SGPP2: variants seen among roughly 807,000 people sequenced by gnomAD.
SGPP2 encodes the protein sphingosine 1-phosphate phosphohydrolase 2.
A neutral mutation model predicts 33.9 loss-of-function variants in SGPP2; 30 were observed. The ratio of observed to expected loss-of-function variants is 0.89; its 90% CI spans 0.66 to 1.20. The LOEUF (loss-of-function observed/expected upper bound fraction) is 1.20, where lower values mean the gene tolerates loss of function less well. Ranked by LOEUF, SGPP2 falls within the 50% of genes most tolerant of loss-of-function variation. SGPP2 has a pLI of 0.00. For synonymous variants in SGPP2, 233 were observed against 225.0 expected (o/e 1.04, Z -0.32); for missense variants, 458 against 532.1 (o/e 0.86, Z 1.37).
Position 222,476,262 on chromosome 2 carries a change from T to G in SGPP2, c.378+1536T>G, listed in dbSNP as rs551336561. Reference sequence around the variant, plus strand: ...TCAGGGGTCATAAATTCGAATGTTCTCAGGGGCAGGGGACAGAAATAAAGC... The same window carrying G: ...TCAGGGGTCATAAATTCGAATGTTCGCAGGGGCAGGGGACAGAAATAAAGC... On this transcript the variant is annotated intron_variant, in intron 2 of 4. Coordinates refer to ENST00000321276, the MANE Select transcript of SGPP2 (RefSeq NM_152386.4). The surrounding 1 kb of genome is among the most constrained non-coding windows in gnomAD (Gnocchi z 4.3). Among the ~76,000 whole-genome samples the G allele has an allele frequency of 4.1e-4, 63 of 152,226 alleles. No individual in the cohort carries two copies. The highest frequency in any genetic ancestry group is 3.4e-3 in the Middle Eastern group (1 of 294).
rs946813617 is a variant in SGPP2 at position 222,560,796 on chromosome 2, C to T, written c.*1898C>T. 1 of 152,128 alleles carries T rather than the reference C, an allele frequency of 6.6e-6. No individual in the cohort carries two copies. Among genetic ancestry groups the T allele is most frequent in the African/African-American group, 2.4e-5 (1 of 41,420 alleles). The allele number at this position is 152,128 out of a possible 1,614,324, so 9.4% of individuals were successfully genotyped here. On this transcript the variant is annotated 3_prime_UTR_variant, in exon 5 of 5. Coordinates refer to ENST00000321276, the MANE Select transcript of SGPP2 (RefSeq NM_152386.4). ...TGTTGGGATGATATTTAGTATGTAA[C>T]TTAGCATTCCAATTTCTCAAGAATT...
intron 4 of SGPP2, among the ~76,000 whole-genome samples, chr2:222,540,130 T>C (rs1375052100): frequency 6.6e-6 from 1 of 152,228 alleles, no homozygotes; most frequent in African/African-American, 2.4e-5. Flanking sequence ...TGCTTGAAAC[T>C]AGGAGTGTTT....
At position 222,484,351 on chromosome 2, in the gene SGPP2, T is replaced by A. The variant is rs920704949; in HGVS notation, c.378+9625T>A. Among the ~76,000 whole-genome samples the A allele has an allele frequency of 3.9e-5, 6 of 152,356 alleles. No individual in the cohort carries two copies. In the South Asian group the frequency reaches 1.2e-3, roughly 32 times the overall value. On this transcript the variant is annotated intron_variant, in intron 2 of 4. Transcript: ENST00000321276. ...TGTAGCTGTCCCAGATAGAGCCCGT[T>A]GTTCCCCTCACCCCCAGGATCATTT...
At chr2:222,467,961 A>G in intron 1 of SGPP2, among the ~76,000 whole-genome samples, 1 of 93,724 alleles carries the variant, frequency 1.1e-5, no homozygotes, top group African/African-American at 8.1e-5. Context: ...AAAAAAAAAA[A>G]AAAAAAAAAA....
At chr2:222,514,526 A>G (rs914184740) in intron 2 of SGPP2, among the ~76,000 whole-genome samples, 7 of 152,040 alleles carry the variant, frequency 4.6e-5, no homozygotes, top group Admixed American at 3.3e-4. Context: ...TTCCAAATAA[A>G]CCAAAGTTCA....
chr2:222,452,424 C>T, intron 1 of SGPP2: 1 of 774,778 alleles, frequency 1.3e-6, no homozygotes. Context: ...GTTGTATGTT[C>T]ATGGAGTAGT....
chr2:222,536,274 C>G (rs921920691), intron 4 of SGPP2, among the ~76,000 whole-genome samples: 1 of 152,158 alleles, frequency 6.6e-6, no homozygotes, highest in Non-Finnish European at 1.5e-5. Context: ...TTCTGTAAAA[C>G]GAATCTGACC....
In SGPP2 at chr2:222,488,866, TTTC is replaced by T. The variant is rs1337594178; in HGVS notation, c.378+14145_378+14147del. ...GGTTTTTGTTCCTTTTAAAATTAAA[TTTC>T]TTCTCGCATTCACAGGCACTGAAAT... On this transcript the variant is annotated intron_variant, in intron 2 of 4. Coordinates refer to ENST00000321276, the MANE Select transcript of SGPP2 (RefSeq NM_152386.4). Among the ~76,000 whole-genome samples, 5 of 152,322 alleles carry T rather than the reference TTTC, an allele frequency of 3.3e-5. No homozygotes were observed. The East Asian group carries it at 9.6e-4, about 29-fold the overall frequency.
intron 1 of SGPP2, among the ~76,000 whole-genome samples, chr2:222,440,352 G>GT (rs11447582): frequency 0.73 from 109,878 of 149,584 alleles, 40,533 homozygotes; most frequent in Middle Eastern, 0.87. Flanking sequence ...TTTTGTTTTT[G>GT]TTTTTTTTTG....
intron 2 of SGPP2, among the ~76,000 whole-genome samples, chr2:222,490,245 G>C (rs1478186036): frequency 6.6e-6 from 1 of 152,058 alleles, no homozygotes; most frequent in African/African-American, 2.4e-5. Flanking sequence ...GCATGGGATG[G>C]ACCCTGGTTC....
chr2:222,545,167 C>G (rs1204462265), intron 4 of SGPP2, among the ~76,000 whole-genome samples: 2 of 152,052 alleles, frequency 1.3e-5, no homozygotes, highest in Non-Finnish European at 2.9e-5. Flanking sequence ...CTGGTACTTG[C>G]ATTTATTATG....
At chr2:222,443,245 CA>C (rs1433612076) in intron 1 of SGPP2, among the ~76,000 whole-genome samples, 2 of 151,918 alleles carry the variant, frequency 1.3e-5, no homozygotes, top group Non-Finnish European at 1.5e-5. Context: ...AATTTAGATT[CA>C]TTGAGTACAT....
intron 2 of SGPP2, among the ~76,000 whole-genome samples, chr2:222,506,965 A>C (rs937192710): frequency 6.6e-6 from 1 of 152,166 alleles, no homozygotes; most frequent in African/African-American, 2.4e-5. Context: ...ACTGTGTTTG[A>C]AAAAGACTTG....
At chr2:222,510,607 A>G (rs1214107475) in intron 2 of SGPP2, among the ~76,000 whole-genome samples, 1 of 152,158 alleles carries the variant, frequency 6.6e-6, no homozygotes, top group African/African-American at 2.4e-5. Flanking sequence ...AGGAAAAAAG[A>G]TATTGGGATC....
Position 222,558,559 on chromosome 2 carries a change from G to C in SGPP2, c.861G>C (p.Val287=), listed in dbSNP as rs764725645. 6.2e-7 allele frequency: 1 copy of C among 1,614,164 alleles called. No individual in the cohort carries two copies. The highest frequency in any genetic ancestry group is 8.5e-7 in the Non-Finnish European group (1 of 1,180,032). Reference sequence around the variant, plus strand: ...CCATTCTGGCTGCCGGGGCTGGAGTGACCATAGGATTCTGGATCAACCATT... The same window carrying C: ...CCATTCTGGCTGCCGGGGCTGGAGTCACCATAGGATTCTGGATCAACCATT... ...TTTILAAGAG[V]TIGFWINHFF... The change falls in exon 5 of 5, where the codon GTG becomes GTC. Residue 287 remains valine, a synonymous_variant. Transcript: ENST00000321276.
intron 1 of SGPP2, among the ~76,000 whole-genome samples, chr2:222,456,949 C>T (rs551856305): frequency 4.6e-5 from 7 of 152,046 alleles, no homozygotes; most frequent in African/African-American, 7.3e-5. Flanking sequence ...AGCTTCAAAG[C>T]GCCATGAAAG....
chr2:222,452,702 G>A (rs766610748), intron 1 of SGPP2: 76 of 1,370,632 alleles, frequency 5.5e-5, no homozygotes, highest in Non-Finnish European at 7.6e-5. Context: ...AGCTTGAATT[G>A]CTCCAGGTCT....
Position 222,558,400 on chromosome 2 carries a change from T to C in SGPP2, c.702T>C (p.Pro234=). The stretch of plus-strand genomic sequence containing the variant: ...CACTCCTCATCGTCCTCACCTACCC[T>C]GCCTGGACCTTCATCGACTGCCTGG... ...ITALLIVLTY[P]AWTFIDCLDS... The change falls in exon 5 of 5, where the codon CCT becomes CCC. Residue 234 remains proline, a synonymous_variant. Transcript: ENST00000321276. 6.2e-7 allele frequency: 1 copy of C among 1,614,214 alleles called. No homozygotes were observed. Among genetic ancestry groups the C allele is most frequent in the South Asian group, 1.1e-5 (1 of 91,088 alleles).
intron 2 of SGPP2, among the ~76,000 whole-genome samples, chr2:222,489,278 A>C (rs1002448804): frequency 6.6e-6 from 1 of 152,138 alleles, no homozygotes; most frequent in Non-Finnish European, 1.5e-5. Flanking sequence ...AGGTTGAACA[A>C]TTTTCAATGT....
Sources: allele counts gnomAD v4.1 joint callset (sites outside exome capture counted in the v4.1 genomes callset), GRCh38; gene constraint gnomAD v4.1.1; non-coding constraint Gnocchi (gnomAD v3.1); transcripts MANE v1.5; gene names NCBI Gene and HGNC (gene_info 2026-07-23, HGNC 2026-07-21).